The following ADGRL3 variants were observed in gnomAD, a reference collection of about 807,000 sequenced individuals.
ADGRL3 encodes calcium-independent alpha-latrotoxin receptor 3.
In ADGRL3, 62 loss-of-function variants were observed where a neutral mutation model predicts 153.5. The observed-to-expected ratio is 0.40, with a 90% CI of 0.33 to 0.50. ADGRL3 has a LOEUF of 0.50. Among genes scored for constraint, ADGRL3 ranks in the 20% least tolerant of loss-of-function variants. ADGRL3 has a pLI of 0.47. For missense variants in ADGRL3, 1,641 were observed against 1,859.4 expected (o/e 0.88, Z 2.16); for synonymous variants, 710 against 672.5 (o/e 1.06, Z -0.86).
chr4:61,920,238 A>G (rs1480264399), intron 13 of ADGRL3, among the ~76,000 whole-genome samples: 2 of 152,174 alleles, frequency 1.3e-5, no homozygotes, highest in Non-Finnish European at 1.5e-5. Flanking sequence ...TATTTCTTTA[A>G]TAGCTTGATG....
At chr4:61,637,685 C>A (rs193286705) in intron 5 of ADGRL3, among the ~76,000 whole-genome samples, 1 of 152,120 alleles carries the variant, frequency 6.6e-6, no homozygotes, top group Non-Finnish European at 1.5e-5. Context: ...CACTTGAACC[C>A]GGGAGGTGGA....
At chr4:61,384,371 C>A (rs2096710678) in intron 2 of ADGRL3, among the ~76,000 whole-genome samples, 2 of 151,442 alleles carry the variant, frequency 1.3e-5, no homozygotes, top group South Asian at 4.1e-4. Context: ...AATATTATTT[C>A]CTTCTTTCAG....
At chr4:61,409,420 T>TATA (rs71211381) in intron 2 of ADGRL3, among the ~76,000 whole-genome samples, 2 of 142,910 alleles carry the variant, frequency 1.4e-5, no homozygotes, top group Non-Finnish European at 3.0e-5. Context: ...TATATATATA[T>TATA]TATATATATG....
rs74703113 is a variant in ADGRL3, at chr4:61,409,696, C to T, written c.-174+26507C>T. ...TTTAAAAATAATACGATCATAAGCC[C>T]TTTTTAACCAAAATTTGATTCAGAA... On this transcript the variant is annotated intron_variant, in intron 2 of 26. Transcript: ENST00000683033. Among the ~76,000 whole-genome samples the T allele has an allele frequency of 0.01, 1,567 of 151,616 alleles. 69 individuals are homozygous for T. In the East Asian group the frequency reaches 0.16, roughly 15 times the overall value.
intron 1 of ADGRL3, among the ~76,000 whole-genome samples, chr4:61,319,715 C>G (rs2095314099): frequency 6.6e-6 from 1 of 152,106 alleles, no homozygotes; most frequent in Non-Finnish European, 1.5e-5. Flanking sequence ...TTTGAGAGTA[C>G]TTTGTAAACT....
rs560728387 is a variant in ADGRL3 at position 62,041,776 on chromosome 4, A to G, written c.3718-2677A>G. 8.5e-5 allele frequency among the ~76,000 whole-genome samples: 13 copies of G among 152,214 alleles called. No individual in the cohort carries two copies. The South Asian group carries it at 2.3e-3, about 27-fold the overall frequency. On this transcript the variant is annotated intron_variant, in intron 24 of 26. Transcript: ENST00000683033. Reference sequence around the variant, plus strand: ...CCATATTCTAAAACCCTTCCTGGTTATAAGTGTGGCCTCTGTGCAATATAC... The same window carrying G: ...CCATATTCTAAAACCCTTCCTGGTTGTAAGTGTGGCCTCTGTGCAATATAC...
intron 15 of ADGRL3, among the ~76,000 whole-genome samples, chr4:61,939,221 G>A (rs1177504701): frequency 6.6e-6 from 1 of 152,070 alleles, no homozygotes; most frequent in Admixed American, 6.6e-5. Flanking sequence ...ATTCTTGTGT[G>A]TTTTCCTTAA....
At position 62,018,113 on chromosome 4, in the gene ADGRL3, C is replaced by T. The variant is rs544189705; in HGVS notation, c.3396-10742C>T. 5.9e-5 allele frequency among the ~76,000 whole-genome samples: 9 copies of T among 152,188 alleles called. 1 individual carries two copies. Among genetic ancestry groups the T allele is most frequent in the East Asian group, 3.9e-4 (2 of 5,158 alleles). On this transcript the variant is annotated intron_variant, in intron 21 of 26. Coordinates refer to ENST00000683033, the MANE Select transcript of ADGRL3 (RefSeq NM_001387552.1). ...GAGCAGTGCTGCAACATGTACTGCA[C>T]GGAGGTCATAAAATATAACTAGTTA... is the stretch of plus-strand genomic sequence containing the variant.
intron 9 of ADGRL3, among the ~76,000 whole-genome samples, chr4:61,856,636 G>C (rs1164722018): frequency 9.2e-5 from 5 of 54,272 alleles, no homozygotes; most frequent in African/African-American, 3.1e-4. Context: ...TTTTTTTTGC[G>C]ATGGAGTCTT....
At chr4:61,709,508 C>T (rs372226681) in intron 6 of ADGRL3, among the ~76,000 whole-genome samples, 3 of 152,142 alleles carry the variant, frequency 2.0e-5, no homozygotes, top group East Asian at 3.9e-4. Context: ...ATAAGCATCA[C>T]AATAAGCCAA....
At chr4:61,246,970 C>G (rs923715012) in intron 1 of ADGRL3, among the ~76,000 whole-genome samples, 1 of 151,986 alleles carries the variant, frequency 6.6e-6, no homozygotes, top group East Asian at 1.9e-4. Context: ...TAACACAACA[C>G]AAATTGAATG....
intron 20 of ADGRL3, among the ~76,000 whole-genome samples, chr4:61,997,356 T>C (rs2099125332): frequency 6.6e-6 from 1 of 152,020 alleles, no homozygotes; most frequent in African/African-American, 2.4e-5. Context: ...CATGTTAGGC[T>C]TTTTGGCCAC....
At chr4:61,836,024 G>A (rs1456245508) in intron 9 of ADGRL3, among the ~76,000 whole-genome samples, 3 of 152,052 alleles carry the variant, frequency 2.0e-5, no homozygotes, top group South Asian at 2.1e-4. Flanking sequence ...TGACATGGTC[G>A]CAAAGTTAAG....
intron 1 of ADGRL3, among the ~76,000 whole-genome samples, chr4:61,207,475 T>A (rs1016511055): frequency 6.6e-6 from 1 of 152,204 alleles, no homozygotes; most frequent in African/African-American, 2.4e-5. Context: ...TGGTTCCAAG[T>A]CTTTGCCATT....
chr4:61,348,873 GA>G (rs2151281809), intron 1 of ADGRL3, among the ~76,000 whole-genome samples: 1 of 152,050 alleles, frequency 6.6e-6, no homozygotes, highest in Non-Finnish European at 1.5e-5. Flanking sequence ...CTGTCTTGAG[GA>G]ATGTGGAAAT....
intron 17 of ADGRL3, among the ~76,000 whole-genome samples, chr4:61,974,040 T>C (rs893616855): frequency 2.0e-5 from 3 of 152,124 alleles, no homozygotes; most frequent in Non-Finnish European, 4.4e-5. Context: ...TGGTCTCGGC[T>C]CACTGCAACC....
chr4:61,804,208 C>T (rs1463400388), intron 8 of ADGRL3, among the ~76,000 whole-genome samples: 1 of 152,092 alleles, frequency 6.6e-6, no homozygotes, highest in African/African-American at 2.4e-5. Flanking sequence ...ATACTTAGGT[C>T]ATTCTGATCC....
intron 5 of ADGRL3, among the ~76,000 whole-genome samples, chr4:61,670,091 C>T (rs942835048): frequency 2.0e-5 from 3 of 152,060 alleles, no homozygotes; most frequent in Non-Finnish European, 2.9e-5. Flanking sequence ...GTCAAGAGAT[C>T]GAGACCATCC....
chr4:61,947,156 A>G (rs764366590), intron 16 of ADGRL3, 34 bp downstream of exon 16: 7 of 1,508,250 alleles, frequency 4.6e-6, no homozygotes, highest in African/African-American at 1.4e-5. Context: ...GGTTGTTCAT[A>G]TTATCTGTAT....
Sources: gnomAD v4.1 joint callset for allele counts (sites outside exome capture counted in the v4.1 genomes callset) on GRCh38, gnomAD v4.1.1 for gene constraint, MANE v1.5 for transcripts, NCBI Gene and HGNC (gene_info 2026-07-23, HGNC 2026-07-21) for gene names.